NCBP3: variants seen among roughly 807,000 people sequenced by gnomAD.
The protein encoded by NCBP3 is nuclear cap-binding protein subunit 3.
Under a neutral mutation model 75.7 loss-of-function variants are expected in NCBP3, and 20 were observed. The observed-to-expected ratio is 0.26, with a 90% CI of 0.19 to 0.38. The LOEUF is 0.38. NCBP3 is among the 10% of genes least tolerant of loss of function. The pLI, the probability that NCBP3 is intolerant of heterozygous loss-of-function variation, is 1.00. For synonymous variants in NCBP3, 293 were observed against 290.5 expected (o/e 1.01, Z -0.09); for missense variants, 678 against 796.9 (o/e 0.85, Z 1.80).
intron 11 of NCBP3, 27 bp from the exon 12 acceptor site, chr17:3,814,510 T>C (rs1412577383): frequency 1.9e-6 from 3 of 1,611,602 alleles, no homozygotes; most frequent in Non-Finnish European, 2.5e-6. Context: ...AGTGCACCAG[T>C]GACCGTGTGT....
chr17:3,809,331 G>C lies in NCBP3; in HGVS notation c.*3713C>G, dbSNP rs2053372607. ...TTATGACTCAGCAATTCCACTCCTA[G>C]GTATATACCCAAGAGTCATGAAAAT... is the stretch of plus-strand genomic sequence containing the variant. On this transcript the variant is annotated 3_prime_UTR_variant, in exon 13 of 13. Coordinates refer to ENST00000389005, the MANE Select transcript of NCBP3 (RefSeq NM_001114118.3). 6.6e-6 allele frequency: 1 copy of C among 152,046 alleles called. No homozygotes were observed. The highest frequency in any genetic ancestry group is 2.1e-4 in the South Asian group (1 of 4,826). 9.4% of individuals were successfully genotyped at this position (152,046 alleles called of 1,614,324 possible). A position where few individuals can be genotyped will look rare whatever the true frequency, so the allele number is the denominator to read the frequency against.
chr17:3,818,354 C>T lies in NCBP3; in HGVS notation c.1219G>A (p.Glu407Lys). The T allele has an allele frequency of 6.2e-7, 1 of 1,614,150 alleles. No homozygotes were observed. Among genetic ancestry groups the T allele is most frequent in the Non-Finnish European group, 8.5e-7 (1 of 1,180,022 alleles). Reference protein sequence around the residue: ...SDSDEMDYDLELKMISTPSPK... With the variant: ...SDSDEMDYDLKLKMISTPSPK... ...GAAGGCGTGGAAATCATTTTCAGTT[C>T]TAGATCATAGTCCATTTCATCTGAG... Residue 407 changes from glutamate (E) to lysine (K), a missense_variant, in exon 10 of 13, where the codon GAA becomes AAA. By Grantham distance (56) the Glu-to-Lys change is moderately conservative. Transcript: ENST00000389005. The surrounding 1 kb of genome is among the most constrained non-coding windows in gnomAD (Gnocchi z 4.7).
intron 3 of NCBP3, among the ~76,000 whole-genome samples, chr17:3,833,209 C>T (rs1022544277): frequency 4.6e-5 from 7 of 152,118 alleles, no homozygotes; most frequent in Non-Finnish European, 8.8e-5. Flanking sequence ...GCCATGATCA[C>T]ACAACTGCAC....
intron 4 of NCBP3, among the ~76,000 whole-genome samples, chr17:3,826,534 G>A (rs2053787005): frequency 6.6e-6 from 1 of 152,050 alleles, no homozygotes; most frequent in African/African-American, 2.4e-5. Flanking sequence ...GGGAGGCCGA[G>A]GTGGGAGAAT....
In NCBP3 at chr17:3,806,609, CA is replaced by C. The variant is rs2053339360; in HGVS notation, c.*6434del. The C allele has an allele frequency of 1.3e-5, 2 of 150,882 alleles. No homozygotes were observed. The highest frequency in any genetic ancestry group is 4.0e-4 in the East Asian group (2 of 5,054). The allele number at this position is 150,882 out of a possible 1,614,324, so 9.3% of individuals were successfully genotyped here. A position where few individuals can be genotyped will look rare whatever the true frequency, so the allele number is the denominator to read the frequency against. Reference sequence around the variant, plus strand: ...TCTCAAGTTTTATGGATAGTGCAGCCAAATTCCACTCGGATGCCTCACAACT... The same window carrying C: ...TCTCAAGTTTTATGGATAGTGCAGCCAATTCCACTCGGATGCCTCACAACT... On this transcript the variant is annotated 3_prime_UTR_variant, in exon 13 of 13. Transcript: ENST00000389005.
intron 1 of NCBP3, 58 bp downstream of exon 1, chr17:3,845,983 T>G: frequency 6.7e-6 from 10 of 1,484,402 alleles, no homozygotes; most frequent in Non-Finnish European, 5.4e-6. Flanking sequence ...TCCGGCCCCC[T>G]CCGGCGCTAG....
At chr17:3,845,923 C>A in intron 1 of NCBP3, 118 bp downstream of exon 1, 1 of 1,211,042 alleles carries the variant, frequency 8.3e-7, no homozygotes, top group African/African-American at 1.6e-5. Context: ...CTGGCTCCCT[C>A]CTCTCCCGCT....
At chr17:3,821,873 T>C in intron 8 of NCBP3, 80 bp downstream of exon 8, 1 of 892,580 alleles carries the variant, frequency 1.1e-6, no homozygotes, top group Admixed American at 2.0e-5. Flanking sequence ...TACACAGGGT[T>C]TAGACATTTC....
chr17:3,841,226 C>T (rs996515382), intron 2 of NCBP3, among the ~76,000 whole-genome samples: 3 of 152,126 alleles, frequency 2.0e-5, no homozygotes, highest in Admixed American at 6.5e-5. Flanking sequence ...CTGCCTGCCT[C>T]GGCCTCCCAA....
At chr17:3,835,483 G>A (rs1056610086) in intron 3 of NCBP3, among the ~76,000 whole-genome samples, 1 of 152,274 alleles carries the variant, frequency 6.6e-6, no homozygotes, top group African/African-American at 2.4e-5. Flanking sequence ...AAGCAAAGTT[G>A]AGCGAATGGG....
At chr17:3,823,274 G>C (rs1597399936) in intron 7 of NCBP3, among the ~76,000 whole-genome samples, 1 of 152,164 alleles carries the variant, frequency 6.6e-6, no homozygotes, top group African/African-American at 2.4e-5. Flanking sequence ...GTTGCAGGGA[G>C]GCAGCGGTTG....
Position 3,818,278 on chromosome 17 carries a change from T to G in NCBP3, c.1295A>C (p.Gln432Pro). 6.3e-7 allele frequency: 1 copy of G among 1,580,302 alleles called. No individual in the cohort carries two copies. Among genetic ancestry groups the G allele is most frequent in the African/African-American group, 1.4e-5 (1 of 73,550 alleles). ...AAATTTTTACCTAATATTTTTCAAC[T>G]GAGATTCCACTTCGTCAGCATACAT... Reference protein sequence around the residue: ...MTMYADEVESQLKNIRNSMRA... With the variant: ...MTMYADEVESPLKNIRNSMRA... The change falls in exon 10 of 13, where the codon CAG becomes CCG. Residue 432 changes from glutamine (Q) to proline (P), a missense_variant. Transcript: ENST00000389005. This position sits in a 1 kb window ranked among gnomAD's most constrained non-coding sequence, Gnocchi z 4.7.
intron 5 of NCBP3, 119 bp downstream of exon 5, chr17:3,825,968 G>C: frequency 7.1e-7 from 1 of 1,415,296 alleles, no homozygotes; most frequent in South Asian, 1.3e-5. Flanking sequence ...ATGATCTCAA[G>C]CATCATAGAT....
rs1197224444 is a variant in NCBP3 at position 3,820,952 on chromosome 17, T to C, written c.1000+297A>G. 4.6e-5 allele frequency among the ~76,000 whole-genome samples: 7 copies of C among 152,012 alleles called. 1 individual carries two copies. The highest frequency in any genetic ancestry group is 4.6e-4 in the Admixed American group (7 of 15,226). ...CTTAAAAAAAAAAAAAAAATTGTTT[T>C]CATGCAGCTGTTGATATTAATAGTA... On this transcript the variant is annotated intron_variant, in intron 9 of 12. Coordinates refer to ENST00000389005, the MANE Select transcript of NCBP3 (RefSeq NM_001114118.3).
Position 3,809,914 on chromosome 17 carries a change from C to A in NCBP3, c.*3130G>T, listed in dbSNP as rs983950343. On this transcript the variant is annotated 3_prime_UTR_variant, in exon 13 of 13. Transcript: ENST00000389005. Reference sequence around the variant, plus strand: ...TTAAGAAGCCAGTCACAAATAGACACATAGTATATGATCCCATTTATATGA... The same window carrying A: ...TTAAGAAGCCAGTCACAAATAGACAAATAGTATATGATCCCATTTATATGA... The A allele has an allele frequency of 1.3e-5, 2 of 152,098 alleles. No homozygotes were observed. The highest frequency in any genetic ancestry group is 6.5e-5 in the Admixed American group (1 of 15,278). 9.4% of individuals were successfully genotyped at this position (152,098 alleles called of 1,614,324 possible).
chr17:3,824,355 T>TACAC (rs141212964), intron 7 of NCBP3: 1 of 149,632 alleles, frequency 6.7e-6, no homozygotes, highest in Admixed American at 6.7e-5. Flanking sequence ...CACACACACA[T>TACAC]ACACACACAC....
At position 3,824,888 on chromosome 17, in the gene NCBP3, C is replaced by T. The variant is rs559646842; in HGVS notation, c.796+54G>A. 2.0e-4 allele frequency: 200 copies of T among 994,678 alleles called. 3 individuals carry two copies. In the South Asian group the frequency reaches 3.1e-3, roughly 15 times the overall value. 61.6% of individuals were successfully genotyped at this position (994,678 alleles called of 1,614,324 possible). On this transcript the variant is annotated intron_variant, in intron 7 of 12. Coordinates refer to ENST00000389005, the MANE Select transcript of NCBP3 (RefSeq NM_001114118.3). ...TATTCAAAAAAGAAGGATGTCACTC[C>T]ATAATAAATCATTTTGATTGAAAAT...
rs925275108 is a variant in NCBP3 at position 3,806,956 on chromosome 17, G to C, written c.*6088C>G. 1 of 152,166 alleles carries C rather than the reference G, an allele frequency of 6.6e-6. No individual in the cohort carries two copies. Among genetic ancestry groups the C allele is most frequent in the South Asian group, 2.1e-4 (1 of 4,824 alleles). The allele number at this position is 152,166 out of a possible 1,614,324, so 9.4% of individuals were successfully genotyped here. ...GTTTAAAAGCAATTACTGTACTTAT[G>C]TATCGAACTTATTTGTGTAGCAACT... On this transcript the variant is annotated 3_prime_UTR_variant, in exon 13 of 13. Transcript: ENST00000389005.
At chr17:3,837,798 A>C (rs151002633) in intron 3 of NCBP3, among the ~76,000 whole-genome samples, 7 of 151,954 alleles carry the variant, frequency 4.6e-5, no homozygotes, top group Admixed American at 1.3e-4. Flanking sequence ...ACTCCAACTA[A>C]TATAAAGTGG....
Sources: allele counts gnomAD v4.1 joint callset (sites outside exome capture counted in the v4.1 genomes callset), GRCh38; gene constraint gnomAD v4.1.1; non-coding constraint Gnocchi (gnomAD v3.1); transcripts MANE v1.5; gene names NCBI Gene and HGNC (gene_info 2026-07-23, HGNC 2026-07-21).